ANKS1B: variants seen among roughly 807,000 people sequenced by gnomAD.
ANKS1B encodes the protein ankyrin repeat and sterile alpha motif domain containing 1B.
Under a neutral mutation model 148.3 loss-of-function variants are expected in ANKS1B, and 36 were observed. That is an observed-to-expected ratio of 0.24 (90% CI 0.19 to 0.32). The LOEUF is 0.32. Among genes scored for constraint, ANKS1B ranks in the 10% least tolerant of loss-of-function variants. The pLI is 1.00. For synonymous variants in ANKS1B, 542 were observed against 560.8 expected (o/e 0.97, Z 0.47); for missense variants, 1,157 against 1,542.6 (o/e 0.75, Z 4.19).
At chr12:99,141,385 A>C (rs1566397721) in intron 15 of ANKS1B, among the ~76,000 whole-genome samples, 1 of 148,654 alleles carries the variant, frequency 6.7e-6, no homozygotes, top group East Asian at 2.0e-4. Flanking sequence ...TTCAGTGGCT[A>C]CTTCTCTAGT....
At chr12:99,503,327 C>G (rs1410441569) in intron 10 of ANKS1B, among the ~76,000 whole-genome samples, 1 of 152,186 alleles carries the variant, frequency 6.6e-6, no homozygotes, top group Non-Finnish European at 1.5e-5. Flanking sequence ...AACCTTTTAT[C>G]TTACCCAGAA....
intron 1 of ANKS1B, among the ~76,000 whole-genome samples, chr12:99,981,272 G>A (rs1329665374): frequency 6.6e-6 from 1 of 152,028 alleles, no homozygotes; most frequent in Non-Finnish European, 1.5e-5. Context: ...GTGAGGCTTA[G>A]AGAGGTTTTT....
At chr12:99,133,332 C>T (rs57468892) in intron 15 of ANKS1B, among the ~76,000 whole-genome samples, 6,139 of 152,130 alleles carry the variant, frequency 0.04, 420 homozygotes, top group African/African-American at 0.14. Context: ...GGATTACAGG[C>T]GTGAGCCACC....
chr12:99,533,616 T>A (rs2097027254), intron 9 of ANKS1B, among the ~76,000 whole-genome samples: 1 of 152,228 alleles, frequency 6.6e-6, no homozygotes, highest in African/African-American at 2.4e-5. Flanking sequence ...GTTCCAGCCT[T>A]CAGGGAGAAT....
intron 17 of ANKS1B, among the ~76,000 whole-genome samples, chr12:98,884,469 C>T (rs2099731095): frequency 6.6e-6 from 1 of 152,174 alleles, no homozygotes. Context: ...ATTCTCTCTC[C>T]CTAGCTGGTC....
At chr12:99,973,979 T>C (rs939388778) in intron 1 of ANKS1B, among the ~76,000 whole-genome samples, 3 of 152,196 alleles carry the variant, frequency 2.0e-5, no homozygotes, top group African/African-American at 7.2e-5. Flanking sequence ...AGTTCTACCA[T>C]GGGTAAAATG....
rs568242761 is a variant in ANKS1B, at chr12:98,845,384, T to C, written c.2779-13248A>G. Among the ~76,000 whole-genome samples the C allele has an allele frequency of 3.9e-5, 6 of 152,302 alleles. No homozygotes were observed. In the South Asian group the frequency reaches 1.0e-3, roughly 26 times the overall value. ...TGTGGCTCAAGTGAGACAATTTTAATGGACGTACCTAGCACAGTGCCTGGC... is the reference window on the plus strand; with the variant it reads ...TGTGGCTCAAGTGAGACAATTTTAACGGACGTACCTAGCACAGTGCCTGGC... On this transcript the variant is annotated intron_variant, in intron 17 of 26. Transcript: ENST00000683438.
chr12:99,144,492 TTAAA>T (rs1446676821), intron 15 of ANKS1B, among the ~76,000 whole-genome samples: 1 of 152,104 alleles, frequency 6.6e-6, no homozygotes, highest in Non-Finnish European at 1.5e-5. Context: ...TTTAATTCAA[TTAAA>T]TAACTATTTA....
At chr12:99,936,582 G>T (rs2094777592) in intron 1 of ANKS1B, among the ~76,000 whole-genome samples, 1 of 152,176 alleles carries the variant, frequency 6.6e-6, no homozygotes, top group Non-Finnish European at 1.5e-5. Context: ...TAAGGCCTAT[G>T]TTACTGACTG....
chr12:99,234,375 T>C (rs533420563), intron 14 of ANKS1B, among the ~76,000 whole-genome samples: 84 of 152,280 alleles, frequency 5.5e-4, no homozygotes, highest in African/African-American at 2.0e-3. Flanking sequence ...TAGTAACTGC[T>C]CTTCTCTGGT....
At chr12:99,444,473 A>AT (rs2095603128) in intron 10 of ANKS1B, among the ~76,000 whole-genome samples, 2 of 152,056 alleles carry the variant, frequency 1.3e-5, no homozygotes, top group South Asian at 4.1e-4. Context: ...AGTATTTAGG[A>AT]GGGGGGAATA....
chr12:99,547,431 T>C lies in ANKS1B; in HGVS notation c.1273-42790A>G, dbSNP rs555581951. Among the ~76,000 whole-genome samples the C allele has an allele frequency of 5.6e-4, 85 of 152,200 alleles. 1 individual carries two copies. The highest frequency in any genetic ancestry group is 3.4e-3 in the Middle Eastern group (1 of 294). ...TCATAAAAAAGAAACAGGAGGAATA[T>C]AGGAACTTAAACACCCAGGGGTGTT... On this transcript the variant is annotated intron_variant, in intron 9 of 26. Coordinates refer to ENST00000683438, the MANE Select transcript of ANKS1B (RefSeq NM_001352186.2).
chr12:99,147,113 G>A (rs1189106705), intron 15 of ANKS1B, among the ~76,000 whole-genome samples: 1 of 152,006 alleles, frequency 6.6e-6, no homozygotes, highest in East Asian at 1.9e-4. Flanking sequence ...GTTTATATAT[G>A]GCAGAAGTGG....
At chr12:99,410,848 A>C (rs894070692) in intron 11 of ANKS1B, among the ~76,000 whole-genome samples, 1 of 152,138 alleles carries the variant, frequency 6.6e-6, no homozygotes, top group Admixed American at 6.6e-5. Flanking sequence ...TTCTCTCTCT[A>C]GATCTGTTAT....
downstream of ANKS1B, among the ~76,000 whole-genome samples, chr12:98,740,096 G>A (rs1364893405): frequency 6.6e-6 from 1 of 152,112 alleles, no homozygotes; most frequent in Non-Finnish European, 1.5e-5. Flanking sequence ...AAAGACCCTG[G>A]GCTTGTTGCT....
intron 15 of ANKS1B, among the ~76,000 whole-genome samples, chr12:99,148,725 T>C (rs987867271): frequency 1.3e-5 from 2 of 152,250 alleles, no homozygotes; most frequent in African/African-American, 4.8e-5. Flanking sequence ...CTCACACCAC[T>C]GTAAGGCTGT....
At chr12:99,408,133 T>G (rs2094576349) in intron 11 of ANKS1B, among the ~76,000 whole-genome samples, 1 of 145,814 alleles carries the variant, frequency 6.9e-6, no homozygotes, top group Non-Finnish European at 1.5e-5. Flanking sequence ...ACAGCATGGT[T>G]CTGGCATAGA....
intron 19 of ANKS1B, among the ~76,000 whole-genome samples, chr12:98,818,849 G>A (rs1249895427): frequency 6.6e-6 from 1 of 152,052 alleles, no homozygotes; most frequent in African/African-American, 2.4e-5. Context: ...AGATGCATTG[G>A]GCAGAGTCAT....
At chr12:98,815,555 T>C (rs1022231030) in intron 19 of ANKS1B, among the ~76,000 whole-genome samples, 9 of 152,246 alleles carry the variant, frequency 5.9e-5, no homozygotes, top group African/African-American at 2.2e-4. Flanking sequence ...AGCTGCCTGC[T>C]TGATGCTTCT....
Sources: allele counts gnomAD v4.1 joint callset (sites outside exome capture counted in the v4.1 genomes callset), GRCh38; gene constraint gnomAD v4.1.1; transcripts MANE v1.5; gene names NCBI Gene and HGNC (gene_info 2026-07-23, HGNC 2026-07-21).